ATOSA: variants seen among roughly 807,000 people sequenced by gnomAD.
ATOSA encodes the protein atos homolog A, also known as atos homolog protein A.
At chr15:52,590,954 T>C in the ATOSA span, among the ~76,000 whole-genome samples, 1 of 152,234 alleles carries the variant, frequency 6.6e-6, no homozygotes, top group Non-Finnish European at 1.5e-5. Context: ...CCAATACCTA[T>C]TTAACAATCT....
chr15:52,614,071 T>C, the ATOSA span: 1 of 365,480 alleles, frequency 2.7e-6, no homozygotes, highest in African/African-American at 2.1e-5. Context: ...GTTGAACTGG[T>C]ATATTAATTA....
At chr15:52,649,560 A>G in the ATOSA span, 1 of 152,174 alleles carries the variant, frequency 6.6e-6, no homozygotes, top group African/African-American at 2.4e-5. Context: ...AGTAAATACT[A>G]GCACTTCTAT....
At chr15:52,611,786 AAATG>A in the ATOSA span, 1 of 1,612,796 alleles carries the variant, frequency 6.2e-7, no homozygotes, top group Non-Finnish European at 8.5e-7. Context: ...CACTTAGAGA[AAATG>A]AATATAAGCA....
the ATOSA span, among the ~76,000 whole-genome samples, chr15:52,660,729 G>A: frequency 2.0e-5 from 3 of 152,084 alleles, no homozygotes; most frequent in Non-Finnish European, 2.9e-5. Flanking sequence ...TTGGCTCACT[G>A]CAACATCCGC....
chr15:52,623,427 C>T, the ATOSA span, among the ~76,000 whole-genome samples: 1 of 151,828 alleles, frequency 6.6e-6, no homozygotes, highest in Non-Finnish European at 1.5e-5. Flanking sequence ...TTTTGGGGAT[C>T]GCACGCATTT....
chr15:52,595,606 C>T, the ATOSA span, among the ~76,000 whole-genome samples: 1 of 150,820 alleles, frequency 6.6e-6, no homozygotes, highest in South Asian at 2.1e-4. Flanking sequence ...GATGACAAGA[C>T]TGTCTATGTA....
the ATOSA span, among the ~76,000 whole-genome samples, chr15:52,591,698 T>C: frequency 2.0e-5 from 3 of 152,230 alleles, no homozygotes; most frequent in Non-Finnish European, 2.9e-5. Flanking sequence ...ATAATATGCA[T>C]TTATTCTGGT....
the ATOSA span, among the ~76,000 whole-genome samples, chr15:52,687,277 C>A: frequency 1.8e-4 from 27 of 152,282 alleles, no homozygotes; most frequent in Admixed American, 5.2e-4. Flanking sequence ...TGTTGGCGGG[C>A]GCGTGTAGTC....
At chr15:52,620,798 T>C in the ATOSA span, among the ~76,000 whole-genome samples, 1 of 151,970 alleles carries the variant, frequency 6.6e-6, no homozygotes, top group African/African-American at 2.4e-5. Context: ...AATTAGCCGG[T>C]GTGGTGGCAT....
chr15:52,609,727 A>C, the ATOSA span: 1 of 1,613,624 alleles, frequency 6.2e-7, no homozygotes, highest in Non-Finnish European at 8.5e-7. Flanking sequence ...TTGAGTATTA[A>C]ATGGACGTCC....
the ATOSA span, among the ~76,000 whole-genome samples, chr15:52,639,290 G>A: frequency 3.9e-5 from 6 of 152,134 alleles, no homozygotes; most frequent in African/African-American, 1.4e-4. Flanking sequence ...AAACTGTTAA[G>A]TGGTTAAGGC....
chr15:52,583,899 C>T, the ATOSA span, among the ~76,000 whole-genome samples: 5 of 151,824 alleles, frequency 3.3e-5, no homozygotes, highest in Non-Finnish European at 7.4e-5. Flanking sequence ...GAATAATTAA[C>T]GGACTTTCAT....
the ATOSA span, among the ~76,000 whole-genome samples, chr15:52,640,571 C>CAAAAAAAAAAAAAAAAAAAAAAAAAAAAA: frequency 7.3e-5 from 2 of 27,570 alleles, no homozygotes; most frequent in African/African-American, 2.2e-4. Flanking sequence ...ACTCAAGTCT[C>CAAAAAAAAAAAAAAAAAAAAAAAAAAAAA]AAAAAAAAAA....
At chr15:52,699,952 G>A in the ATOSA span, among the ~76,000 whole-genome samples, 1 of 152,124 alleles carries the variant, frequency 6.6e-6, no homozygotes. Flanking sequence ...CACTAGACAT[G>A]GGGCATCCTA....
the ATOSA span, among the ~76,000 whole-genome samples, chr15:52,615,335 T>C: frequency 2.6e-5 from 4 of 152,238 alleles, no homozygotes; most frequent in African/African-American, 9.6e-5. Context: ...AGTTGAACAT[T>C]CATACACAAA....
the ATOSA span, among the ~76,000 whole-genome samples, chr15:52,667,610 T>C: frequency 1.3e-5 from 2 of 152,238 alleles, no homozygotes; most frequent in African/African-American, 2.4e-5. Flanking sequence ...CACTGCCAAT[T>C]TCCATGGTAT....
the ATOSA span, chr15:52,658,650 T>C: frequency 6.0e-5 from 24 of 397,320 alleles, no homozygotes; most frequent in Admixed American, 7.1e-4. Flanking sequence ...ACTCAAAATA[T>C]AGGAGACCAC....
the ATOSA span, among the ~76,000 whole-genome samples, chr15:52,632,561 G>C: frequency 0.01 from 1,590 of 152,212 alleles, 28 homozygotes; most frequent in African/African-American, 0.036. Context: ...AAATGTATGA[G>C]GAAAAAGGAC....
the ATOSA span, among the ~76,000 whole-genome samples, chr15:52,665,644 G>A: frequency 3.3e-5 from 5 of 151,806 alleles, no homozygotes; most frequent in South Asian, 2.1e-4. Flanking sequence ...TTAGAACTTC[G>A]TCTGGAAAAG....
Sources: gnomAD v4.1 joint callset for allele counts (sites outside exome capture counted in the v4.1 genomes callset) on GRCh38, gnomAD v4.1.1 for gene constraint, MANE v1.5 for transcripts, NCBI Gene and HGNC (gene_info 2026-07-23, HGNC 2026-07-21) for gene names.